The following MYO1C variants were observed in gnomAD, a reference collection of about 807,000 sequenced individuals.
The protein encoded by MYO1C is myosin IC, also known as unconventional myosin-Ic.
MYO1C carries 104 observed loss-of-function variants against 150.8 expected under a neutral mutation model. The observed-to-expected ratio is 0.69, with a 90% CI of 0.59 to 0.81. MYO1C has a LOEUF of 0.81. Among genes scored for constraint, MYO1C ranks in the 30% least tolerant of loss-of-function variants. The pLI, the probability that MYO1C is intolerant of heterozygous loss-of-function variation, is 0.00. For synonymous variants in MYO1C, 663 were observed against 579.9 expected (o/e 1.14, Z -2.06); for missense variants, 1,504 against 1,435.0 (o/e 1.05, Z -0.78).
chr17:1,475,016 GGTCAGCCAGCTT>G lies in MYO1C; in HGVS notation c.1579_1590del (p.Lys527_Asp530del). On this transcript the variant is annotated inframe_deletion, in exon 15 of 32. Coordinates refer to ENST00000648651, the MANE Select transcript of MYO1C (RefSeq NM_001080779.2). ...CGGCCCAGAGATTTCCTGGTCCGCT[GGTCAGCCAGCTT>G]GTGCCTGGGGGTGACAGGGAGGAAG... 1 of 1,552,432 alleles carries G rather than the reference GGTCAGCCAGCTT, an allele frequency of 6.4e-7. No homozygotes were observed. Among genetic ancestry groups the G allele is most frequent in the Non-Finnish European group, 8.7e-7 (1 of 1,147,532 alleles).
In MYO1C at chr17:1,474,964, G is replaced by A. The variant is rs748880683; in HGVS notation, c.1643C>T (p.Ala548Val). The change falls in exon 15 of 32, where the codon GCG (alanine) becomes GTG (valine). Residue 548 changes from alanine to valine, a missense_variant. By Grantham distance (64) the Ala-to-Val change is moderately conservative. Coordinates refer to ENST00000648651, the MANE Select transcript of MYO1C (RefSeq NM_001080779.2). ...GRGEFRLLHYAGEVTYSVTGF... is the reference protein window; with the variant it reads ...GRGEFRLLHYVGEVTYSVTGF... ...GGTCACGCTGTAGGTCACCTCCCCCGCATAGTGCAGAAGGCGGAATTCCCC... is the reference window on the plus strand; with the variant it reads ...GGTCACGCTGTAGGTCACCTCCCCCACATAGTGCAGAAGGCGGAATTCCCC... 8 of 1,576,000 alleles carry A rather than the reference G, an allele frequency of 5.1e-6. No individual in the cohort carries two copies. Among genetic ancestry groups the A allele is most frequent in the East Asian group, 2.3e-5 (1 of 42,652 alleles).
intron 1 of MYO1C, among the ~76,000 whole-genome samples, chr17:1,491,440 T>C (rs1302454254): frequency 8.6e-6 from 1 of 116,916 alleles, no homozygotes; most frequent in African/African-American, 3.5e-5. Flanking sequence ...CGCCTCCGGG[T>C]CGTGGGACCC....
In MYO1C at chr17:1,478,094, C is replaced by A; in HGVS notation, c.1394G>T (p.Gly465Val). 1 of 1,614,062 alleles carries A rather than the reference C, an allele frequency of 6.2e-7. No homozygotes were observed. The highest frequency in any genetic ancestry group is 8.5e-7 in the Non-Finnish European group (1 of 1,180,026). The change falls in exon 12 of 32, where the codon GGC becomes GTC. Residue 465 changes from glycine (G) to valine (V), a missense_variant. Physicochemically the swap from Gly to Val is moderately radical, Grantham distance 109. Transcript: ENST00000648651. The surrounding 1 kb of genome is among the most constrained non-coding windows in gnomAD (Gnocchi z 6.3). Reference sequence around the variant, plus strand: ...CCCCAGGCTAGCACACACCGCGATGCCCTCTGCCTCGTACTCCTCCTGCTC... The same window carrying A: ...CCCCAGGCTAGCACACACCGCGATGACCTCTGCCTCGTACTCCTCCTGCTC... ...KSEQEEYEAEGIAWEPVQYFN... is the reference protein window; with the variant it reads ...KSEQEEYEAEVIAWEPVQYFN...
At chr17:1,474,774 T>TCCCCCCCCCCCCCCCCCC in intron 16 of MYO1C, 38 bp downstream of exon 16, 1 of 1,597,380 alleles carries the variant, frequency 6.3e-7, no homozygotes, top group Non-Finnish European at 8.6e-7. Flanking sequence ...CTGTGGGCTA[T>TCCCCCCCCCCCCCCCCCC]CCCCACCCCC....
intron 25 of MYO1C, chr17:1,468,755 A>G (rs1038935386): frequency 1.8e-6 from 1 of 549,010 alleles, no homozygotes; most frequent in African/African-American, 1.9e-5. Flanking sequence ...ATGCTTCCCC[A>G]CCCCATCAGG....
At chr17:1,475,954 G>A (rs1042541229) in intron 14 of MYO1C, among the ~76,000 whole-genome samples, 34 of 151,972 alleles carry the variant, frequency 2.2e-4, no homozygotes, top group African/African-American at 7.5e-4. Flanking sequence ...ACAAGTTCTC[G>A]ACTACGAAAA....
chr17:1,470,132 T>C (rs1207088718), intron 24 of MYO1C, 43 bp downstream of exon 24: 2 of 1,575,216 alleles, frequency 1.3e-6, no homozygotes, highest in East Asian at 2.2e-5. Flanking sequence ...CCTTCTGCTG[T>C]GTACTATGAT....
intron 29 of MYO1C, 95 bp from the exon 30 acceptor site, chr17:1,467,672 C>T (rs1174945216): frequency 1.9e-6 from 2 of 1,073,276 alleles, no homozygotes; most frequent in African/African-American, 2.0e-5. Flanking sequence ...CCCAAATCCA[C>T]CCCCATCCAC....
At chr17:1,483,526 C>A (rs2074582899) in intron 3 of MYO1C, 84 bp downstream of exon 3, 7 of 990,320 alleles carry the variant, frequency 7.1e-6, no homozygotes, top group South Asian at 5.5e-5. Context: ...ACGCCAGGAT[C>A]ATTTCAGAGT....
intron 19 of MYO1C, 117 bp from the exon 20 acceptor site, chr17:1,471,453 GA>G (rs2074301517): frequency 1.2e-6 from 1 of 815,886 alleles, no homozygotes; most frequent in Admixed American, 2.0e-5. Flanking sequence ...CAGCTAGCAG[GA>G]GGCTCACTCG....
chr17:1,467,485 C>G lies in MYO1C; in HGVS notation c.3060G>C (p.Gln1020His), dbSNP rs368464317. 86 of 1,613,206 alleles carry G rather than the reference C, an allele frequency of 5.3e-5. No homozygotes were observed. Among genetic ancestry groups the G allele is most frequent in the Non-Finnish European group, 7.0e-5 (83 of 1,179,956 alleles). The change falls in exon 30 of 32, where the codon CAG (glutamine) becomes CAC (histidine). Residue 1020 changes from glutamine to histidine, a missense_variant. Gln to His is a conservative substitution (Grantham distance 24). Transcript: ENST00000648651. ...ANRVNSININ[Q>H]GSITFAGGPG... ...GGGGGCCGCCCGCGCCTCACCTGCC[C>G]TGGTTGATGTTGATGCTGTTCACGC...
At chr17:1,486,063 C>T (rs972847815) in intron 1 of MYO1C, 1 of 152,690 alleles carries the variant, frequency 6.5e-6, no homozygotes, top group Non-Finnish European at 1.5e-5. Flanking sequence ...ACTTCCGGGC[C>T]TGGGACTACA....
rs1364832652 is a variant in MYO1C, at chr17:1,479,721, G to C, written c.907-16C>G. The C allele has an allele frequency of 1.3e-6, 2 of 1,578,534 alleles. No homozygotes were observed. The highest frequency in any genetic ancestry group is 1.7e-6 in the Non-Finnish European group (2 of 1,156,582). On this transcript the variant is annotated splice_polypyrimidine_tract_variant and intron_variant, in intron 7 of 31. Transcript: ENST00000648651. The surrounding 1 kb of genome is among the most constrained non-coding windows in gnomAD (Gnocchi z 4.2). ...TCAGCAGGTCCTGGGGGAGCAGGCCGGGGGCAGGAGGGGGTGAGAGGGGCC... is the reference window on the plus strand; with the variant it reads ...TCAGCAGGTCCTGGGGGAGCAGGCCCGGGGCAGGAGGGGGTGAGAGGGGCC...
chr17:1,479,435 T>TC lies in MYO1C; in HGVS notation c.1087dup (p.Glu363GlyfsTer64). 7.0e-7 allele frequency: 1 copy of TC among 1,424,930 alleles called. No homozygotes were observed. Among genetic ancestry groups the TC allele is most frequent in the Non-Finnish European group, 9.6e-7 (1 of 1,036,622 alleles). 88.3% of individuals were successfully genotyped at this position (1,424,930 alleles called of 1,614,324 possible). On this transcript the variant is annotated frameshift_variant, in exon 9 of 32. Coordinates refer to ENST00000648651, the MANE Select transcript of MYO1C (RefSeq NM_001080779.2). LOFTEE classifies it high-confidence loss of function. The surrounding 1 kb of genome is among the most constrained non-coding windows in gnomAD (Gnocchi z 4.2). ...AGGGCAAGGGCCCGGCCTCACCTCCTCCCCCTTGGCGATGATCTTCCTGTG... is the reference window on the plus strand; with the variant it reads ...AGGGCAAGGGCCCGGCCTCACCTCCTCCCCCCTTGGCGATGATCTTCCTGTG...
chr17:1,475,823 C>T (rs1403842731), intron 14 of MYO1C, among the ~76,000 whole-genome samples: 1 of 152,142 alleles, frequency 6.6e-6, no homozygotes, highest in East Asian at 1.9e-4. Flanking sequence ...CCAGGGGCCC[C>T]GAAGGGCTGG....
At position 1,484,190 on chromosome 17, in the gene MYO1C, G is replaced by A. The variant is rs45628238; in HGVS notation, c.189C>T (p.Phe63=). Residue 63 remains phenylalanine (F), a synonymous_variant, in exon 2 of 32, where the codon TTC becomes TTT. Coordinates refer to ENST00000648651, the MANE Select transcript of MYO1C (RefSeq NM_001080779.2). ...GAAATCGCCGCCGCAGGTTCTCGAT[G>A]AAGGCGGCCTCGCTGGTGAAGTTCT... ...LLENFTSEAA[F]IENLRRRFRE... is the part of the protein sequence containing the mutation. 1.8e-3 allele frequency: 2,902 copies of A among 1,613,090 alleles called. 60 individuals are homozygous for A. The East Asian group carries it at 0.034, about 19-fold the overall frequency.
At chr17:1,474,760 A>G in intron 16 of MYO1C, 52 bp downstream of exon 16, 1 of 1,611,734 alleles carries the variant, frequency 6.2e-7, no homozygotes, top group Non-Finnish European at 8.5e-7. Context: ...ACACAGGTGC[A>G]GAGCTGTGGG....
chr17:1,485,674 C>T, intron 1 of MYO1C: 1 of 1,214,010 alleles, frequency 8.2e-7, no homozygotes, highest in Non-Finnish European at 1.0e-6. Context: ...CCCGCCCTGC[C>T]CCGCCGCCCC....
At position 1,483,012 on chromosome 17, in the gene MYO1C, C is replaced by A. The variant is rs770570719; in HGVS notation, c.395G>T (p.Arg132Leu). ...TVYRALRTER[R>L]DQAVMISGES... The stretch of plus-strand genomic sequence containing the variant: ...CCCAGAGATCATCACAGCCTGGTCC[C>A]GACGCTCCGTGCGCAGTGCTCGGTA... Residue 132 changes from arginine (R) to leucine (L), a missense_variant, in exon 4 of 32, where the codon CGG becomes CTG. Coordinates refer to ENST00000648651, the MANE Select transcript of MYO1C (RefSeq NM_001080779.2). 6.2e-7 allele frequency: 1 copy of A among 1,612,130 alleles called. No individual in the cohort carries two copies. The highest frequency in any genetic ancestry group is 1.1e-5 in the South Asian group (1 of 90,960).
Sources: gnomAD v4.1 joint callset for allele counts (sites outside exome capture counted in the v4.1 genomes callset) on GRCh38, gnomAD v4.1.1 for gene constraint, Gnocchi (gnomAD v3.1) non-coding constraint, MANE v1.5 for transcripts, NCBI Gene and HGNC (gene_info 2026-07-23, HGNC 2026-07-21) for gene names.